The following EPHA10 variants were observed in gnomAD, a reference collection of about 807,000 sequenced individuals.
EPHA10 encodes ephrin type-A receptor 10.
A neutral mutation model predicts 109.7 loss-of-function variants in EPHA10; 120 were observed. The ratio of observed to expected loss-of-function variants is 1.09; its 90% CI spans 0.94 to 1.27. EPHA10 has a LOEUF of 1.27. Among genes scored for constraint, EPHA10 ranks in the 50% most tolerant of loss-of-function variants. The pLI is 0.00. For synonymous variants in EPHA10, 640 were observed against 618.9 expected, an observed-to-expected ratio of 1.03 and a Z score of -0.51; for missense variants, 1,396 against 1,411.1, an observed-to-expected ratio of 0.99 and a Z score of 0.17.
At chr1:37,733,922 A>T (rs1325120523) in intron 6 of EPHA10, among the ~76,000 whole-genome samples, 1 of 152,086 alleles carries the variant, frequency 6.6e-6, no homozygotes, top group Non-Finnish European at 1.5e-5. Context: ...AACCAGGTTC[A>T]TCACCTTGCT....
intron 15 of EPHA10, 57 bp downstream of exon 15, chr1:37,719,357 T>G: frequency 6.3e-7 from 1 of 1,579,326 alleles, no homozygotes; most frequent in Non-Finnish European, 8.6e-7. Context: ...ACTTGCAACA[T>G]GCAGGGAGGC....
At chr1:37,735,098 G>A (rs80105185) in intron 6 of EPHA10, among the ~76,000 whole-genome samples, 159 bp downstream of exon 6, 5,037 of 152,216 alleles carry the variant, frequency 0.033, 251 homozygotes, top group African/African-American at 0.11. Flanking sequence ...GAGTCCGGGG[G>A]AGGAGGGGGA....
rs1365314901 is a variant in EPHA10 at position 37,735,341 on chromosome 1, G to A, written c.1407C>T (p.Ser469=). 2 of 1,576,282 alleles carry A rather than the reference G, an allele frequency of 1.3e-6. No homozygotes were observed. Among genetic ancestry groups the A allele is most frequent in the Admixed American group, 1.9e-5 (1 of 53,856 alleles). ...EIRRDRVEPQ[S]VSLSWREPIP... ...TGGGCTCCCGCCACGACAGGGACAC[G>A]CTCTGGGGTTCCACTCGGTCCCTGC... is the stretch of plus-strand genomic sequence containing the variant. Residue 469 remains serine (S), a synonymous_variant, in exon 6 of 17, where the codon AGC becomes AGT. Coordinates refer to ENST00000373048, the MANE Select transcript of EPHA10 (RefSeq NM_001099439.2).
chr1:37,748,535 A>G (rs971365336), intron 5 of EPHA10, among the ~76,000 whole-genome samples: 11 of 152,200 alleles, frequency 7.2e-5, no homozygotes, highest in African/African-American at 1.4e-4. Context: ...GCATCCCCAT[A>G]GTGCCAAAAC....
intron 6 of EPHA10, chr1:37,734,583 G>A (rs1404711278): frequency 4.4e-6 from 2 of 454,458 alleles, no homozygotes; most frequent in East Asian, 1.4e-4. Flanking sequence ...AACTTACGGG[G>A]AAAAGAGCAG....
chr1:37,733,386 T>C (rs1646020953), intron 6 of EPHA10, among the ~76,000 whole-genome samples: 1 of 152,088 alleles, frequency 6.6e-6, no homozygotes, highest in African/African-American at 2.4e-5. Context: ...CATGCCTGGC[T>C]AATTTCTTTT....
At chr1:37,725,320 A>G (rs1012569284) in intron 8 of EPHA10, among the ~76,000 whole-genome samples, 3 of 151,834 alleles carry the variant, frequency 2.0e-5, no homozygotes, top group Non-Finnish European at 4.4e-5. Context: ...GCCTGGCCAA[A>G]ATGGCAAAAC....
chr1:37,753,481 C>G (rs1193182905), intron 4 of EPHA10, among the ~76,000 whole-genome samples: 3 of 145,412 alleles, frequency 2.1e-5, no homozygotes, highest in Non-Finnish European at 4.4e-5. Flanking sequence ...GGTGAAGGAA[C>G]AGGGATGGAT....
chr1:37,753,134 CT>C lies in EPHA10; in HGVS notation c.1098del (p.Gly367AlafsTer141). On this transcript the variant is annotated frameshift_variant, in exon 5 of 17. Transcript: ENST00000373048. LOFTEE classifies it high-confidence loss of function. ...AGCGAGTAGGTGACGTCCGAGCGGC[CT>C]CCCGAGTCGGCCGGCGGCAGCCAGC... ...RLRWLPPADS[G>X]GRSDVTYSLL... 1 of 1,406,886 alleles carries C rather than the reference CT, an allele frequency of 7.1e-7. No homozygotes were observed. The highest frequency in any genetic ancestry group is 1.5e-5 in the South Asian group (1 of 67,766). The allele number at this position is 1,406,886 out of a possible 1,614,324, so 87.2% of individuals were successfully genotyped here. A position where few individuals can be genotyped will look rare whatever the true frequency, so the allele number is the denominator to read the frequency against.
chr1:37,729,875 A>G (rs1212825550), intron 7 of EPHA10, among the ~76,000 whole-genome samples: 1 of 151,338 alleles, frequency 6.6e-6, no homozygotes, highest in Non-Finnish European at 1.5e-5. Flanking sequence ...CCTACCTCAA[A>G]AAAAAAAAAA....
chr1:37,761,325 C>T, intron 3 of EPHA10, 80 bp downstream of exon 3: 1 of 1,561,448 alleles, frequency 6.4e-7, no homozygotes, highest in Non-Finnish European at 8.6e-7. Flanking sequence ...ACACCCGCCT[C>T]TTTCCTCTAG....
intron 7 of EPHA10, among the ~76,000 whole-genome samples, chr1:37,727,525 T>C (rs1385359086): frequency 6.6e-6 from 1 of 152,138 alleles, no homozygotes; most frequent in African/African-American, 2.4e-5. Flanking sequence ...TCAAAGTTGC[T>C]CTGCAGGAGG....
At chr1:37,732,492 A>G (rs921776927) in intron 6 of EPHA10, among the ~76,000 whole-genome samples, 1 of 152,122 alleles carries the variant, frequency 6.6e-6, no homozygotes, top group Non-Finnish European at 1.5e-5. Flanking sequence ...CTTTCTGACC[A>G]TAGCATTCAG....
At position 37,718,406 on chromosome 1, in the gene EPHA10, A is replaced by C; in HGVS notation, c.2993T>G (p.Val998Gly). 5 of 1,612,722 alleles carry C rather than the reference A, an allele frequency of 3.1e-6. No individual in the cohort carries two copies. Among genetic ancestry groups the C allele is most frequent in the Non-Finnish European group, 4.2e-6 (5 of 1,179,696 alleles). ...CACCCCCTGGCCCTGCAGCTGGAGC[A>C]CTCGTGCCTGCAGGGCGCTGATCCC... is the stretch of plus-strand genomic sequence containing the variant. ...LSGISALQAR[V>G]LQLQGQGVQV Residue 998 changes from valine to glycine, a missense_variant, in exon 17 of 17, where the codon GTG (valine) becomes GGG (glycine). Physicochemically the swap from Val to Gly is moderately radical, Grantham distance 109. Coordinates refer to ENST00000373048, the MANE Select transcript of EPHA10 (RefSeq NM_001099439.2).
rs758461946 is a variant in EPHA10, at chr1:37,764,939, C to G, written c.106+22G>C. 2 of 1,587,888 alleles carry G rather than the reference C, an allele frequency of 1.3e-6. No homozygotes were observed. Among genetic ancestry groups the G allele is most frequent in the South Asian group, 1.1e-5 (1 of 87,408 alleles). On this transcript the variant is annotated intron_variant, in intron 1 of 16. Transcript: ENST00000373048. This position sits in a 1 kb window ranked among gnomAD's most constrained non-coding sequence, Gnocchi z 5.8. ...ATCTTTTGGTATGCCACGCTCCGAG[C>G]AGAGCTCACCAGTCTTCTCACCTTC...
intron 5 of EPHA10, among the ~76,000 whole-genome samples, chr1:37,742,838 G>GA (rs567941531): frequency 6.6e-6 from 1 of 151,416 alleles, no homozygotes; most frequent in South Asian, 2.1e-4. Context: ...AATTTAAAAA[G>GA]AAAAAAAAGT....
At chr1:37,740,394 T>C (rs1217992000) in intron 5 of EPHA10, among the ~76,000 whole-genome samples, 5 of 152,006 alleles carry the variant, frequency 3.3e-5, no homozygotes, top group Non-Finnish European at 5.9e-5. Context: ...CAAGCTCCAC[T>C]TCCCAGGTTC....
chr1:37,720,143 C>CA, intron 13 of EPHA10, 85 bp from the exon 14 acceptor site: 1 of 1,540,690 alleles, frequency 6.5e-7, no homozygotes, highest in Non-Finnish European at 8.8e-7. Context: ...ATCCAGCCTG[C>CA]ATGTCATCCT....
chr1:37,722,751 T>G (rs1345176724), intron 10 of EPHA10: 3 of 525,924 alleles, frequency 5.7e-6, no homozygotes, highest in Non-Finnish European at 1.1e-5. Flanking sequence ...CCCTCCCCAC[T>G]GCCCCATGAA....
Sources: allele counts gnomAD v4.1 joint callset (sites outside exome capture counted in the v4.1 genomes callset), GRCh38; gene constraint gnomAD v4.1.1; non-coding constraint Gnocchi (gnomAD v3.1); transcripts MANE v1.5; gene names NCBI Gene and HGNC (gene_info 2026-07-23, HGNC 2026-07-21).